Variants in TOGARAM2 observed in about 807,000 individuals in gnomAD.
TOGARAM2 encodes the protein TOG array regulator of axonemal microtubules protein 2.
Under a neutral mutation model 93.3 loss-of-function variants are expected in TOGARAM2, and 85 were observed. The ratio of observed to expected loss-of-function variants is 0.91; its 90% CI spans 0.76 to 1.09. TOGARAM2 has a LOEUF of 1.09. Among genes scored for constraint, TOGARAM2 ranks in the 50% least tolerant of loss-of-function variants. The pLI, the probability that TOGARAM2 is intolerant of heterozygous loss-of-function variation, is 0.00. For missense variants in TOGARAM2, 1,277 were observed against 1,334.5 expected (o/e 0.96, Z 0.67); for synonymous variants, 593 against 552.8 (o/e 1.07, Z -1.02).
At chr2:29,044,818 A>C (rs761845964) in intron 18 of TOGARAM2, among the ~76,000 whole-genome samples, 5 of 152,090 alleles carry the variant, frequency 3.3e-5, no homozygotes, top group Admixed American at 6.5e-5. Context: ...GAGAAGAGCT[A>C]TACTTTCTGA....
chr2:28,990,326 G>A (rs576078068), intron 1 of TOGARAM2, among the ~76,000 whole-genome samples: 2 of 152,276 alleles, frequency 1.3e-5, no homozygotes, highest in Non-Finnish European at 2.9e-5. Context: ...TCCTTCCAAG[G>A]CCCCACTTGA....
At chr2:28,977,567 G>C (rs578069294), upstream of TOGARAM2, among the ~76,000 whole-genome samples, 40 of 152,248 alleles carry the variant, frequency 2.6e-4, no homozygotes, top group Middle Eastern at 6.8e-3. Flanking sequence ...TTGCAGGGGC[G>C]GGGGCTTCTT....
rs201981896 is a variant in TOGARAM2 at position 29,024,340 on chromosome 2, C to T, written c.1819C>T (p.Arg607Cys). ...RAMVENVTLA[R>C]SLVVLTSAGV... ...TATGGTGGAGAATGTGACCCTTGCC[C>T]GCTCCCTGGTGGTCCTCACCTCGGC... The change falls in exon 13 of 20, where the codon CGC (arginine) becomes TGC (cysteine). Residue 607 changes from arginine (R) to cysteine (C), a missense_variant. Physicochemically the swap from Arg to Cys is radical, Grantham distance 180. Transcript: ENST00000379558. 224 of 1,611,326 alleles carry T rather than the reference C, an allele frequency of 1.4e-4. No individual in the cohort carries two copies. Among genetic ancestry groups the T allele is most frequent in the Admixed American group, 1.0e-3 (61 of 59,674 alleles).
At chr2:29,042,686 G>C (rs1244023223) in intron 18 of TOGARAM2, among the ~76,000 whole-genome samples, 1 of 152,184 alleles carries the variant, frequency 6.6e-6, no homozygotes, top group Non-Finnish European at 1.5e-5. Flanking sequence ...CTTGCCTTCA[G>C]GGTCAGCAGC....
chr2:29,002,524 A>ATCCC lies in TOGARAM2; in HGVS notation c.428-10_428-7dup. The ATCCC allele has an allele frequency of 1.9e-6, 3 of 1,609,398 alleles. No individual in the cohort carries two copies. Among genetic ancestry groups the ATCCC allele is most frequent in the Non-Finnish European group, 2.5e-6 (3 of 1,177,298 alleles). On this transcript the variant is annotated splice_polypyrimidine_tract_variant and intron_variant, in intron 4 of 19. Transcript: ENST00000379558. ...TGGGACTAACTGATTTCCCATCCCC[A>ATCCC]TCCCTGTACAGCCTCTCTGGATCCA...
rs528203270 is a variant in TOGARAM2 at position 29,036,421 on chromosome 2, G to T, written c.2419-120G>T. On this transcript the variant is annotated intron_variant, in intron 17 of 19. Transcript: ENST00000379558. ...GAGTGCTGTGGCATAGGTCAGGGAC[G>T]CAGGAGGAGTCTCTGCTGAGGTCGC... The T allele has an allele frequency of 8.6e-6, 7 of 810,988 alleles. No individual in the cohort carries two copies. The Admixed American group carries it at 1.2e-4, about 14-fold the overall frequency. 50.2% of individuals were successfully genotyped at this position (810,988 alleles called of 1,614,324 possible). A position where few individuals can be genotyped will look rare whatever the true frequency, so the allele number is the denominator to read the frequency against.
intron 18 of TOGARAM2, among the ~76,000 whole-genome samples, chr2:29,038,305 C>G (rs1336794299): frequency 6.6e-6 from 1 of 152,086 alleles, no homozygotes; most frequent in Non-Finnish European, 1.5e-5. Context: ...GTTCATCATC[C>G]AGAGGCTTTG....
chr2:29,004,959 T>TGTGGGACC (rs59622604), intron 6 of TOGARAM2, among the ~76,000 whole-genome samples: 1 of 137,764 alleles, frequency 7.3e-6, no homozygotes, highest in African/African-American at 2.9e-5. Context: ...TGTGCATGTG[T>TGTGGGACC]ATGTGTGTGA....
chr2:29,023,630 G>A (rs1275940775), intron 12 of TOGARAM2, among the ~76,000 whole-genome samples: 1 of 152,152 alleles, frequency 6.6e-6, no homozygotes, highest in Non-Finnish European at 1.5e-5. Context: ...CTTGGGAGTG[G>A]GCTGCTCCAG....
In TOGARAM2 at chr2:28,994,720, C is replaced by A; in HGVS notation, c.-110-5C>A. The A allele has an allele frequency of 2.8e-6, 3 of 1,063,936 alleles. No individual in the cohort carries two copies. The highest frequency in any genetic ancestry group is 4.4e-5 in the Admixed American group (2 of 45,586). 65.9% of individuals were successfully genotyped at this position (1,063,936 alleles called of 1,614,324 possible). A position where few individuals can be genotyped will look rare whatever the true frequency, so the allele number is the denominator to read the frequency against. On this transcript the variant is annotated splice_polypyrimidine_tract_variant and splice_region_variant and intron_variant, in intron 1 of 19. Transcript: ENST00000379558. ...CTGACTTCTCCTTTCTCCTCTCACC[C>A]TTAGGTCCCGGATGTTACAGGTCAG...
intron 13 of TOGARAM2, among the ~76,000 whole-genome samples, chr2:29,024,725 C>T (rs537382636): frequency 4.6e-5 from 7 of 152,310 alleles, no homozygotes; most frequent in African/African-American, 1.7e-4. Flanking sequence ...CCGTTGCACT[C>T]CAAGGCTGGG....
chr2:28,976,643 C>T (rs1056587001), upstream of TOGARAM2, among the ~76,000 whole-genome samples: 2 of 152,206 alleles, frequency 1.3e-5, no homozygotes, highest in Non-Finnish European at 2.9e-5. Flanking sequence ...GCAGCATAAC[C>T]AGAAGGCGTT....
chr2:29,040,922 A>G (rs985025162), intron 18 of TOGARAM2, among the ~76,000 whole-genome samples: 1 of 152,028 alleles, frequency 6.6e-6, no homozygotes, highest in Admixed American at 6.6e-5. Context: ...AGGGGTTAAT[A>G]GGGGTTCAGC....
At chr2:29,023,379 C>T (rs1665103227) in intron 12 of TOGARAM2, among the ~76,000 whole-genome samples, 188 bp downstream of exon 12, 1 of 152,166 alleles carries the variant, frequency 6.6e-6, no homozygotes, top group African/African-American at 2.4e-5. Flanking sequence ...CCTAGGGTTT[C>T]CTTATTTGTA....
At chr2:28,984,034 C>G (rs1362875702) in intron 1 of TOGARAM2, among the ~76,000 whole-genome samples, 1 of 152,030 alleles carries the variant, frequency 6.6e-6, no homozygotes, top group South Asian at 2.1e-4. Context: ...TCTCTGCCCT[C>G]CCCACTCCTC....
chr2:28,970,706 C>T (rs927186261), intron 1 of TOGARAM2, among the ~76,000 whole-genome samples: 13 of 152,324 alleles, frequency 8.5e-5, no homozygotes, highest in Admixed American at 2.0e-4. Flanking sequence ...CACCCACCTG[C>T]GCCCACTCTA....
chr2:28,983,215 T>TGTAGAGATGGG (rs1672308054), intron 1 of TOGARAM2, among the ~76,000 whole-genome samples: 2 of 125,010 alleles, frequency 1.6e-5, no homozygotes, highest in Non-Finnish European at 3.4e-5. Flanking sequence ...TTTTTTTTTT[T>TGTAGAGATGGG]TTTTTTTTTT....
intron 12 of TOGARAM2, 106 bp from the exon 13 acceptor site, chr2:29,024,033 G>T: frequency 1.0e-6 from 1 of 952,712 alleles, no homozygotes; most frequent in South Asian, 1.7e-5. Flanking sequence ...TAGGTCAGGG[G>T]AAGGGTGGGG....
At chr2:29,044,629 T>A (rs957706152) in intron 18 of TOGARAM2, among the ~76,000 whole-genome samples, 1 of 151,994 alleles carries the variant, frequency 6.6e-6, no homozygotes, top group Non-Finnish European at 1.5e-5. Context: ...TCAGGGTTCA[T>A]GTCTAAGCGT....
Sources: gnomAD v4.1 joint callset for allele counts (sites outside exome capture counted in the v4.1 genomes callset) on GRCh38, gnomAD v4.1.1 for gene constraint, MANE v1.5 for transcripts, NCBI Gene and HGNC (gene_info 2026-07-23, HGNC 2026-07-21) for gene names.